INPP4B: variants seen among roughly 807,000 people sequenced by gnomAD.
INPP4B encodes the protein inositol polyphosphate-4-phosphatase type II B.
Under a neutral mutation model 122.5 loss-of-function variants are expected in INPP4B, and 55 were observed. The observed-to-expected ratio is 0.45, with a 90% CI of 0.36 to 0.56. The LOEUF (loss-of-function observed/expected upper bound fraction) is 0.56, where lower values mean the gene tolerates loss of function less well. Among genes scored for constraint, INPP4B ranks in the 20% least tolerant of loss-of-function variants. The pLI is 0.00. For missense variants in INPP4B, 1,000 were observed against 1,097.7 expected (o/e 0.91, Z 1.26); for synonymous variants, 403 against 388.7 (o/e 1.04, Z -0.43).
chr4:142,029,463 C>T (rs1253002497), intron 25 of INPP4B: 42 of 985,752 alleles, frequency 4.3e-5, no homozygotes, highest in Non-Finnish European at 4.7e-5. Flanking sequence ...TGCTTGTCCA[C>T]GGACAGTACA....
intron 2 of INPP4B, among the ~76,000 whole-genome samples, chr4:142,530,627 G>T (rs1827492982): frequency 6.8e-6 from 1 of 147,342 alleles, no homozygotes; most frequent in Admixed American, 6.8e-5. Flanking sequence ...GAAAATTAAG[G>T]CAGAAAAAAA....
At chr4:142,329,804 T>C (rs1371050869) in intron 7 of INPP4B, among the ~76,000 whole-genome samples, 1 of 152,214 alleles carries the variant, frequency 6.6e-6, no homozygotes, top group African/African-American at 2.4e-5. Flanking sequence ...GCTCAACTAG[T>C]CACAAGGACA....
intron 2 of INPP4B, among the ~76,000 whole-genome samples, chr4:142,647,908 T>C (rs1163841125): frequency 3.3e-5 from 5 of 152,252 alleles, no homozygotes; most frequent in Non-Finnish European, 1.5e-5. Context: ...TTCCACCGTT[T>C]GTAGTAAGTG....
chr4:142,365,768 A>G (rs1347217854), intron 7 of INPP4B, among the ~76,000 whole-genome samples: 1 of 123,956 alleles, frequency 8.1e-6, no homozygotes, highest in African/African-American at 3.1e-5. Context: ...AAATTTTTAC[A>G]ATTTTTTTTT....
At chr4:142,497,680 T>G (rs2162108) in intron 2 of INPP4B, among the ~76,000 whole-genome samples, 24,274 of 152,180 alleles carry the variant, frequency 0.16, 2,266 homozygotes, top group East Asian at 0.39. Flanking sequence ...TTAATTTCAT[T>G]GACTTTTTCA....
chr4:142,420,659 T>TG (rs1292341658), intron 5 of INPP4B, among the ~76,000 whole-genome samples: 1 of 152,124 alleles, frequency 6.6e-6, no homozygotes, highest in African/African-American at 2.4e-5. Context: ...ACAAAGAACA[T>TG]GGCCTTTGGA....
intron 8 of INPP4B, among the ~76,000 whole-genome samples, chr4:142,308,603 A>C (rs1764310309): frequency 6.6e-6 from 1 of 152,164 alleles, no homozygotes; most frequent in African/African-American, 2.4e-5. Flanking sequence ...ACACATTGTA[A>C]AAGAATGAAT....
chr4:142,307,592 A>G (rs1763910682), intron 8 of INPP4B, among the ~76,000 whole-genome samples: 1 of 152,198 alleles, frequency 6.6e-6, no homozygotes, highest in African/African-American at 2.4e-5. Context: ...CTATTTATAA[A>G]CTACTGTTCA....
intron 9 of INPP4B, among the ~76,000 whole-genome samples, chr4:142,293,046 T>TA (rs1757107597): frequency 6.6e-6 from 1 of 151,432 alleles, no homozygotes; most frequent in Non-Finnish European, 1.5e-5. Flanking sequence ...TACCCTTTTT[T>TA]TTTTTTTTTA....
intron 2 of INPP4B, among the ~76,000 whole-genome samples, chr4:142,676,216 C>A (rs1560949893): frequency 3.3e-5 from 5 of 151,712 alleles, no homozygotes. Flanking sequence ...AGACAGAGAG[C>A]CAATCATGAG....
chr4:142,762,747 A>G (rs1771536552), intron 1 of INPP4B, among the ~76,000 whole-genome samples: 1 of 152,218 alleles, frequency 6.6e-6, no homozygotes, highest in South Asian at 2.1e-4. Context: ...GGAAGAAACC[A>G]TATCAGAACA....
intron 1 of INPP4B, among the ~76,000 whole-genome samples, chr4:142,746,735 G>A (rs1768814799): frequency 6.6e-6 from 1 of 152,054 alleles, no homozygotes. Flanking sequence ...ACAACCATCT[G>A]CTCTTTGACA....
intron 11 of INPP4B, among the ~76,000 whole-genome samples, chr4:142,240,388 C>T (rs922100335): frequency 6.6e-5 from 10 of 152,104 alleles, no homozygotes; most frequent in African/African-American, 2.4e-4. Context: ...GAATATAAAC[C>T]TTTGTTGAAA....
intron 2 of INPP4B, among the ~76,000 whole-genome samples, chr4:142,651,145 A>G (rs1752878742): frequency 6.6e-6 from 1 of 152,208 alleles, no homozygotes; most frequent in Non-Finnish European, 1.5e-5. Context: ...AAATTAAGGA[A>G]GAAATAAAAA....
At chr4:142,446,014 T>G (rs971236836) in intron 3 of INPP4B, among the ~76,000 whole-genome samples, 1 of 152,034 alleles carries the variant, frequency 6.6e-6, no homozygotes, top group Non-Finnish European at 1.5e-5. Context: ...TATATCAAAA[T>G]ATGCTTGGAG....
At position 142,777,822 on chromosome 4, in the gene INPP4B, C is replaced by T. The variant is rs79166803; in HGVS notation, c.-253-51921G>A. Among the ~76,000 whole-genome samples, 706 of 152,288 alleles carry T rather than the reference C, an allele frequency of 4.6e-3. 7 individuals carry two copies. The highest frequency in any genetic ancestry group is 0.016 in the African/African-American group (674 of 41,580). On this transcript the variant is annotated intron_variant, in intron 1 of 25. Transcript: ENST00000262992. ...GCTCTCTATCTCTACATCTGCTTTA[C>T]AGGGAAGAGTTTTCACAGTGTGTCT...
intron 1 of INPP4B, among the ~76,000 whole-genome samples, chr4:142,737,034 G>T (rs574560412): frequency 6.6e-6 from 1 of 152,042 alleles, no homozygotes; most frequent in Admixed American, 6.6e-5. Flanking sequence ...TGGCCATACC[G>T]CCCAAGGTAA....
intron 2 of INPP4B, among the ~76,000 whole-genome samples, chr4:142,717,503 A>G (rs1329231430): frequency 2.6e-5 from 4 of 152,208 alleles, no homozygotes; most frequent in Non-Finnish European, 4.4e-5. Context: ...ATGTCCATCA[A>G]TGGTAGACTG....
At chr4:142,323,955 A>G (rs916519271) in intron 7 of INPP4B, among the ~76,000 whole-genome samples, 2 of 152,066 alleles carry the variant, frequency 1.3e-5, no homozygotes, top group Non-Finnish European at 2.9e-5. Flanking sequence ...GTGTTTCTCC[A>G]ATATTCATAT....
Sources: gnomAD v4.1 joint callset for allele counts (sites outside exome capture counted in the v4.1 genomes callset) on GRCh38, gnomAD v4.1.1 for gene constraint, MANE v1.5 for transcripts, NCBI Gene and HGNC (gene_info 2026-07-23, HGNC 2026-07-21) for gene names.